STARD13: variants seen among roughly 807,000 people sequenced by gnomAD.
STARD13 encodes the protein StAR related lipid transfer domain containing 13.
Under a neutral mutation model 106.4 loss-of-function variants are expected in STARD13, and 62 were observed. The observed-to-expected ratio is 0.58, with a 90% CI of 0.48 to 0.72. The LOEUF (loss-of-function observed/expected upper bound fraction) is 0.72, where lower values mean the gene tolerates loss of function less well. Ranked by LOEUF, STARD13 falls within the 30% of genes least tolerant of loss-of-function variation. The pLI is 0.00. For missense variants in STARD13, 1,387 were observed against 1,424.0 expected (o/e 0.97, Z 0.42); for synonymous variants, 565 against 553.0 (o/e 1.02, Z -0.31).
chr13:33,371,865 A>G, the STARD13 span, among the ~76,000 whole-genome samples: 2 of 152,236 alleles, frequency 1.3e-5, no homozygotes, highest in Non-Finnish European at 2.9e-5. Context: ...GAAATTAGGA[A>G]AATGTCATCA....
At chr13:33,601,120 A>G in the STARD13 span, among the ~76,000 whole-genome samples, 2 of 152,102 alleles carry the variant, frequency 1.3e-5, no homozygotes, top group Non-Finnish European at 2.9e-5. Flanking sequence ...GGGCTAAAAC[A>G]TGGTCGCCCT....
the STARD13 span, among the ~76,000 whole-genome samples, chr13:33,602,723 G>GCA: frequency 6.6e-6 from 1 of 152,196 alleles, no homozygotes; most frequent in East Asian, 1.9e-4. Context: ...TACTGCCTGA[G>GCA]CTCCATCTCC....
chr13:33,628,191 AC>A, the STARD13 span, among the ~76,000 whole-genome samples: 1 of 124,192 alleles, frequency 8.1e-6, no homozygotes, highest in Admixed American at 7.5e-5. Flanking sequence ...ACACACACAC[AC>A]CACATGCATC....
chr13:33,508,457 C>CTT, the STARD13 span, among the ~76,000 whole-genome samples: 1 of 152,162 alleles, frequency 6.6e-6, no homozygotes, highest in Admixed American at 6.5e-5. Flanking sequence ...AACCAACATG[C>CTT]TTGAAGACAA....
downstream of STARD13, among the ~76,000 whole-genome samples, chr13:33,348,260 T>C (rs952499537): frequency 1.3e-5 from 2 of 152,230 alleles, no homozygotes; most frequent in African/African-American, 4.8e-5. Context: ...TGAAACCACT[T>C]TTAGCTTTCT....
chr13:33,463,778 C>T, the STARD13 span, among the ~76,000 whole-genome samples: 1 of 152,014 alleles, frequency 6.6e-6, no homozygotes, highest in Non-Finnish European at 1.5e-5. Flanking sequence ...CTTTGGGAAG[C>T]AGAGATGGGT....
intron 1 of STARD13, among the ~76,000 whole-genome samples, chr13:33,266,141 G>A (rs1031241545): frequency 4.6e-5 from 7 of 152,190 alleles, no homozygotes; most frequent in African/African-American, 1.4e-4. Context: ...GACAGCAATA[G>A]ACAGCCTTGG....
chr13:33,182,484 G>T (rs750779077), intron 1 of STARD13, among the ~76,000 whole-genome samples: 27 of 152,086 alleles, frequency 1.8e-4, no homozygotes, highest in Non-Finnish European at 3.8e-4. Flanking sequence ...CCTGGACTTG[G>T]TTTAACAGAA....
intron 1 of STARD13, among the ~76,000 whole-genome samples, chr13:33,324,817 G>C (rs1315256236): frequency 6.6e-6 from 1 of 152,136 alleles, no homozygotes; most frequent in Non-Finnish European, 1.5e-5. Flanking sequence ...TACATGGAAG[G>C]CCGCAACAAA....
chr13:33,559,157 A>C, the STARD13 span, among the ~76,000 whole-genome samples: 1 of 151,638 alleles, frequency 6.6e-6, no homozygotes, highest in Non-Finnish European at 1.5e-5. Context: ...AAATTAGAGG[A>C]AAGGTTTGGA....
the STARD13 span, among the ~76,000 whole-genome samples, chr13:33,483,396 C>G: frequency 6.6e-6 from 1 of 152,156 alleles, no homozygotes; most frequent in African/African-American, 2.4e-5. Context: ...ATAATTTTCA[C>G]CATATCTCAG....
At chr13:33,603,423 C>T in the STARD13 span, among the ~76,000 whole-genome samples, 1 of 152,192 alleles carries the variant, frequency 6.6e-6, no homozygotes, top group Non-Finnish European at 1.5e-5. Flanking sequence ...GAACAAGCTC[C>T]TAACCCCTAA....
At chr13:33,552,559 CAT>C in the STARD13 span, among the ~76,000 whole-genome samples, 1 of 152,148 alleles carries the variant, frequency 6.6e-6, no homozygotes, top group Admixed American at 6.5e-5. Context: ...TAAAAATAAT[CAT>C]TGAATTATAT....
chr13:33,528,226 G>GTATATATATATATACATATATATA, the STARD13 span, among the ~76,000 whole-genome samples: 1 of 101,024 alleles, frequency 9.9e-6, no homozygotes, highest in Non-Finnish European at 1.8e-5. Flanking sequence ...GTGTGTGTGT[G>GTATATATATATATACATATATATA]TATATATATA....
chr13:33,202,082 T>A (rs1421507196), intron 1 of STARD13, among the ~76,000 whole-genome samples: 3 of 152,220 alleles, frequency 2.0e-5, no homozygotes, highest in Admixed American at 1.3e-4. Context: ...AGGATCTTGA[T>A]AAATGCTGCC....
chr13:33,632,190 T>C, the STARD13 span, among the ~76,000 whole-genome samples: 6 of 152,216 alleles, frequency 3.9e-5, no homozygotes, highest in African/African-American at 1.4e-4. Context: ...ATATGAGTAA[T>C]TGAGGATAGG....
intron 1 of STARD13, among the ~76,000 whole-genome samples, chr13:33,258,484 A>G (rs1007808339): frequency 1.3e-5 from 2 of 152,206 alleles, no homozygotes; most frequent in African/African-American, 4.8e-5. Flanking sequence ...AAGAAAGAAA[A>G]AAAAAAAAGA....
intron 1 of STARD13, among the ~76,000 whole-genome samples, chr13:33,241,571 C>T (rs568492370): frequency 6.2e-5 from 9 of 144,134 alleles, no homozygotes; most frequent in Admixed American, 1.4e-4. Context: ...CCCCTTTGCA[C>T]GGTCTCCCTC....
chr13:33,589,696 G>T, the STARD13 span, among the ~76,000 whole-genome samples: 1 of 152,172 alleles, frequency 6.6e-6, no homozygotes, highest in Non-Finnish European at 1.5e-5. Flanking sequence ...TTTTACATTT[G>T]CTGAGGAGTG....
Sources: gnomAD v4.1 joint callset for allele counts (sites outside exome capture counted in the v4.1 genomes callset) on GRCh38, gnomAD v4.1.1 for gene constraint, MANE v1.5 for transcripts, NCBI Gene and HGNC (gene_info 2026-07-23, HGNC 2026-07-21) for gene names.